TSGA10: variants seen among roughly 807,000 people sequenced by gnomAD.
The protein encoded by TSGA10 is testis-specific gene 10 protein.
A neutral mutation model predicts 96.6 loss-of-function variants in TSGA10; 43 were observed. That is an observed-to-expected ratio of 0.44 (90% CI 0.35 to 0.57). The LOEUF is 0.57. Ranked by LOEUF, TSGA10 falls within the 20% of genes least tolerant of loss-of-function variation. The pLI is 0.01. For missense variants in TSGA10, 703 were observed against 834.4 expected, an observed-to-expected ratio of 0.84 and a Z score of 1.94; for synonymous variants, 229 against 269.9, an observed-to-expected ratio of 0.85 and a Z score of 1.48.
intron 20 of TSGA10, among the ~76,000 whole-genome samples, chr2:99,005,588 A>C (rs1322956869): frequency 1.1e-4 from 16 of 152,178 alleles, no homozygotes; most frequent in East Asian, 9.8e-4. Context: ...CTTACAAGGG[A>C]TATGAAGGAC....
intron 15 of TSGA10, among the ~76,000 whole-genome samples, chr2:99,067,346 C>T (rs916943278): frequency 2.6e-5 from 4 of 152,240 alleles, no homozygotes; most frequent in African/African-American, 9.6e-5. Flanking sequence ...ATCTCATAAA[C>T]AAATTCATAC....
At chr2:99,035,553 T>C in intron 16 of TSGA10, 114 bp from the exon 17 acceptor site, 1 of 634,310 alleles carries the variant, frequency 1.6e-6, no homozygotes, top group Non-Finnish European at 2.6e-6. Flanking sequence ...TTAGATTGTA[T>C]GAAGTTTAAA....
At chr2:99,120,479 CTT>C (rs1438371451) in intron 2 of TSGA10, among the ~76,000 whole-genome samples, 1 of 152,086 alleles carries the variant, frequency 6.6e-6, no homozygotes, top group Non-Finnish European at 1.5e-5. Context: ...ATGAGAGTCT[CTT>C]GAGTTTCTTC....
At chr2:99,077,576 T>A (rs1432679443) in intron 12 of TSGA10, among the ~76,000 whole-genome samples, 1 of 152,072 alleles carries the variant, frequency 6.6e-6, no homozygotes, top group African/African-American at 2.4e-5. Context: ...ATTTATTTAT[T>A]TTTGAGACAG....
chr2:98,998,318 C>T (rs996064530), intron 20 of TSGA10, 97 bp from the exon 21 acceptor site: 75 of 999,430 alleles, frequency 7.5e-5, no homozygotes, highest in Admixed American at 1.3e-4. Context: ...TTCAGCAAAA[C>T]GTAAGATTTT....
At chr2:99,113,707 A>G (rs533692968) in intron 4 of TSGA10, among the ~76,000 whole-genome samples, 15 of 148,504 alleles carry the variant, frequency 1.0e-4, no homozygotes, top group Admixed American at 2.0e-4. Flanking sequence ...CACCATGCCC[A>G]GCTAGTTTTT....
chr2:99,059,913 C>CAAA (rs35460548), intron 16 of TSGA10, among the ~76,000 whole-genome samples: 5 of 54,402 alleles, frequency 9.2e-5, no homozygotes, highest in Admixed American at 4.0e-4. Context: ...GACCCCATCT[C>CAAA]AAAAAAAAAA....
chr2:99,039,684 A>C (rs2082010588), intron 16 of TSGA10, among the ~76,000 whole-genome samples: 1 of 152,114 alleles, frequency 6.6e-6, no homozygotes, highest in East Asian at 1.9e-4. Flanking sequence ...TCACAGCTGA[A>C]TTCTGTCATT....
At chr2:99,051,707 C>T (rs1488966425) in intron 16 of TSGA10, among the ~76,000 whole-genome samples, 1 of 151,464 alleles carries the variant, frequency 6.6e-6, no homozygotes. Flanking sequence ...GAAACATTCT[C>T]TAGAATAGAC....
intron 10 of TSGA10, chr2:99,102,325 A>G: frequency 6.2e-7 from 1 of 1,612,138 alleles, no homozygotes; most frequent in African/African-American, 1.3e-5. Context: ...GGGAGTGGTG[A>G]GAGTGAGAGG....
In TSGA10 at chr2:99,064,993, T is replaced by C; in HGVS notation, c.1350A>G (p.Ala450=). The stretch of plus-strand genomic sequence containing the variant: ...CTTTTTCTTTTAATCTGTTACCCTC[T>C]GCCTCAGCAGTGATAAGTTCCAGTT... ...TLKLELITAE[A]EGNRLKEKVD... Residue 450 remains alanine, a synonymous_variant, in exon 16 of 21, where the codon GCA becomes GCG. Transcript: ENST00000393483. 1 of 1,611,796 alleles carries C rather than the reference T, an allele frequency of 6.2e-7. No homozygotes were observed.
chr2:98,998,011 G>T lies in TSGA10; in HGVS notation c.*186C>A. On this transcript the variant is annotated 3_prime_UTR_variant, in exon 21 of 21. Coordinates refer to ENST00000393483, the MANE Select transcript of TSGA10 (RefSeq NM_025244.4). The stretch of plus-strand genomic sequence containing the variant: ...GATAGAAAGAGCCATATACATTTTT[G>T]TTTTTATAAGTCATCTCAGATCACT... 2 of 544,210 alleles carry T rather than the reference G, an allele frequency of 3.7e-6. No homozygotes were observed. The highest frequency in any genetic ancestry group is 3.2e-6 in the Non-Finnish European group (1 of 313,058). 33.7% of individuals were successfully genotyped at this position (544,210 alleles called of 1,614,324 possible).
intron 10 of TSGA10, among the ~76,000 whole-genome samples, chr2:99,081,690 C>T (rs991300511): frequency 2.0e-5 from 3 of 152,088 alleles, no homozygotes; most frequent in Non-Finnish European, 4.4e-5. Flanking sequence ...TATGTTAGCT[C>T]TGGTTGGGGT....
chr2:99,106,741 C>T (rs943726671), intron 7 of TSGA10, among the ~76,000 whole-genome samples: 1 of 151,768 alleles, frequency 6.6e-6, no homozygotes, highest in Non-Finnish European at 1.5e-5. Context: ...TTGCTGCTCA[C>T]AACATCCTTC....
chr2:99,036,976 G>A (rs940008239), intron 16 of TSGA10, among the ~76,000 whole-genome samples: 2 of 152,012 alleles, frequency 1.3e-5, no homozygotes, highest in African/African-American at 2.4e-5. Context: ...ACATACGTAA[G>A]CCAAAAAAAT....
chr2:99,098,486 G>C (rs1257995573), intron 10 of TSGA10, among the ~76,000 whole-genome samples: 2 of 139,722 alleles, frequency 1.4e-5, no homozygotes, highest in African/African-American at 5.4e-5. Flanking sequence ...AAGAAAAAAA[G>C]GCCTAAAAAG....
At chr2:99,048,614 A>G (rs1249498334) in intron 16 of TSGA10, among the ~76,000 whole-genome samples, 1 of 152,204 alleles carries the variant, frequency 6.6e-6, no homozygotes, top group Non-Finnish European at 1.5e-5. Flanking sequence ...GTAAGATCTA[A>G]AGCCATAAAA....
chr2:99,112,858 A>T (rs1490022925), intron 4 of TSGA10, among the ~76,000 whole-genome samples: 1 of 138,760 alleles, frequency 7.2e-6, no homozygotes, highest in Non-Finnish European at 1.6e-5. Flanking sequence ...GTTGTCCCCC[A>T]CCCCACCCTT....
intron 1 of TSGA10, among the ~76,000 whole-genome samples, chr2:99,132,474 T>C (rs1406206636): frequency 6.6e-6 from 1 of 152,074 alleles, no homozygotes. Flanking sequence ...AGTGGTAATA[T>C]CTCCTTTATC....
Sources: allele counts gnomAD v4.1 joint callset (sites outside exome capture counted in the v4.1 genomes callset), GRCh38; gene constraint gnomAD v4.1.1; transcripts MANE v1.5; gene names NCBI Gene and HGNC (gene_info 2026-07-23, HGNC 2026-07-21).